BAIAP2L1: variants seen among roughly 807,000 people sequenced by gnomAD.
The protein encoded by BAIAP2L1 is BAR/IMD domain containing adaptor protein 2 like 1.
In BAIAP2L1, 35 loss-of-function variants were observed where a neutral mutation model predicts 66.3. The ratio of observed to expected loss-of-function variants is 0.53; its 90% CI spans 0.40 to 0.70. The LOEUF (loss-of-function observed/expected upper bound fraction) is 0.70, where lower values mean the gene tolerates loss of function less well. Among genes scored for constraint, BAIAP2L1 ranks in the 30% least tolerant of loss-of-function variants. BAIAP2L1 has a pLI of 0.00. For synonymous variants in BAIAP2L1, 269 were observed against 248.7 expected (o/e 1.08, Z -0.77); for missense variants, 622 against 656.9 (o/e 0.95, Z 0.58).
intron 1 of BAIAP2L1, among the ~76,000 whole-genome samples, chr7:98,383,170 C>T (rs1802798326): frequency 7.0e-6 from 1 of 142,836 alleles, no homozygotes; most frequent in African/African-American, 2.6e-5. Flanking sequence ...CTCAAAGTAT[C>T]AAAAAAGAAA....
rs35637370 is a variant in BAIAP2L1 at position 98,304,276 on chromosome 7, C to T, written c.1342G>A (p.Ala448Thr). 13,548 of 1,613,544 alleles carry T rather than the reference C, an allele frequency of 8.4e-3. 83 individuals are homozygous for T. Among genetic ancestry groups the T allele is most frequent in the Middle Eastern group, 0.016 (98 of 6,062 alleles). ...GCCGAATCTGCTCTCCTGTCGGCAGCTGCCCCCATGGACAAGCATTCCAAG... is the reference window on the plus strand; with the variant it reads ...GCCGAATCTGCTCTCCTGTCGGCAGTTGCCCCCATGGACAAGCATTCCAAG... ...DYLECLSMGA[A>T]ADRRADSART... Residue 448 changes from alanine to threonine, a missense_variant, in exon 12 of 14, where the codon GCT (alanine) becomes ACT (threonine). Ala to Thr is a moderately conservative substitution (Grantham distance 58). Coordinates refer to ENST00000005260, the MANE Select transcript of BAIAP2L1 (RefSeq NM_018842.5).
At chr7:98,312,378 G>A in intron 7 of BAIAP2L1, 114 bp from the exon 8 acceptor site, 3 of 1,176,996 alleles carry the variant, frequency 2.5e-6, no homozygotes, top group Non-Finnish European at 2.4e-6. Flanking sequence ...CCAGGAGTGT[G>A]GGGGCCCTGG....
chr7:98,331,694 C>T (rs748360511), intron 3 of BAIAP2L1, among the ~76,000 whole-genome samples: 29 of 152,012 alleles, frequency 1.9e-4, no homozygotes, highest in Non-Finnish European at 3.7e-4. Flanking sequence ...GTTTCGAAAT[C>T]CTGACCTCAG....
intron 1 of BAIAP2L1, among the ~76,000 whole-genome samples, chr7:98,368,879 AC>A (rs1167329327): frequency 6.6e-6 from 1 of 151,252 alleles, no homozygotes; most frequent in Non-Finnish European, 1.5e-5. Flanking sequence ...CTTGTTGAAG[AC>A]CTGGCTTGTT....
At chr7:98,339,332 T>C (rs1435425229) in intron 3 of BAIAP2L1, among the ~76,000 whole-genome samples, 3 of 152,204 alleles carry the variant, frequency 2.0e-5, no homozygotes, top group African/African-American at 7.2e-5. Context: ...TGTAGCTATC[T>C]TGTGGTTTGG....
At position 98,355,083 on chromosome 7, in the gene BAIAP2L1, A is replaced by T; in HGVS notation, c.173T>A (p.Ile58Asn). Residue 58 changes from isoleucine (I) to asparagine (N), a missense_variant, in exon 3 of 14, where the codon ATC becomes AAC. By Grantham distance (149) the Ile-to-Asn change is moderately radical. Transcript: ENST00000005260. ...GGGGGACCCAGTGGCAATCTCACCG[A>T]TCTTGGCCACTCCATCGTAGTAGGC... The part of the protein sequence containing the change: ...GKAYYDGVAK[I>N]GEIATGSPVS... The T allele has an allele frequency of 6.2e-7, 1 of 1,614,050 alleles. No homozygotes were observed. Among genetic ancestry groups the T allele is most frequent in the Non-Finnish European group, 8.5e-7 (1 of 1,179,952 alleles).
At chr7:98,306,313 T>G in intron 11 of BAIAP2L1, 126 bp downstream of exon 11, 1 of 1,161,528 alleles carries the variant, frequency 8.6e-7, no homozygotes, top group Non-Finnish European at 1.3e-6. Context: ...CGGTCTCATC[T>G]CTGACTAGTC....
At chr7:98,334,799 G>C (rs915024554) in intron 3 of BAIAP2L1, among the ~76,000 whole-genome samples, 34 of 151,046 alleles carry the variant, frequency 2.3e-4, no homozygotes, top group Non-Finnish European at 4.1e-4. Flanking sequence ...GCCCGCCTCG[G>C]CCTCCCAAAG....
At chr7:98,300,677 T>C (rs1197919055) in intron 12 of BAIAP2L1, among the ~76,000 whole-genome samples, 1 of 151,988 alleles carries the variant, frequency 6.6e-6, no homozygotes, top group Non-Finnish European at 1.5e-5. Flanking sequence ...GCACAGGCAC[T>C]GCTCAGGAAG....
intron 12 of BAIAP2L1, among the ~76,000 whole-genome samples, chr7:98,295,386 C>T (rs1016550263): frequency 1.3e-5 from 2 of 152,216 alleles, no homozygotes; most frequent in Non-Finnish European, 2.9e-5. Context: ...CTGCCTTGCA[C>T]ATCCTACAGG....
chr7:98,386,945 C>T (rs1042468330), intron 1 of BAIAP2L1, among the ~76,000 whole-genome samples: 5 of 151,934 alleles, frequency 3.3e-5, no homozygotes, highest in Non-Finnish European at 5.9e-5. Flanking sequence ...GTGATCTGCC[C>T]GCCTCGGCCT....
intron 7 of BAIAP2L1, among the ~76,000 whole-genome samples, chr7:98,315,177 A>G (rs1176392064): frequency 6.6e-6 from 1 of 152,212 alleles, no homozygotes; most frequent in Non-Finnish European, 1.5e-5. Context: ...GTTGGAGTGC[A>G]GTGGCACAAT....
At chr7:98,306,415 G>C (rs761545153) in intron 11 of BAIAP2L1, 24 bp downstream of exon 11, 18 of 1,613,438 alleles carry the variant, frequency 1.1e-5, no homozygotes, top group Non-Finnish European at 1.5e-5. Flanking sequence ...GTCACCGGGA[G>C]AGCTCAGCCA....
In BAIAP2L1 at chr7:98,317,386, C is replaced by T. The variant is rs1348198648; in HGVS notation, c.349-30G>A. 3 of 1,610,018 alleles carry T rather than the reference C, an allele frequency of 1.9e-6. No individual in the cohort carries two copies. In the South Asian group the frequency reaches 3.3e-5, roughly 18 times the overall value. On this transcript the variant is annotated intron_variant, in intron 5 of 13. Coordinates refer to ENST00000005260, the MANE Select transcript of BAIAP2L1 (RefSeq NM_018842.5). ...AAGTTAAATGGCTGTGCTTATTTTA[C>T]TGTGGCACCACACGAATTGTCACAC... is the stretch of plus-strand genomic sequence containing the variant.
rs1236188409 is a variant in BAIAP2L1, at chr7:98,400,991, T to C, written c.-139A>G. ...GCCGCCGCAGCCGTCGGCCCGAGAG[T>C]GCCCGCGCGCGTCTCCGCTGCGAAA... On this transcript the variant is annotated 5_prime_UTR_variant, in exon 1 of 14. Coordinates refer to ENST00000005260, the MANE Select transcript of BAIAP2L1 (RefSeq NM_018842.5). 3.1e-6 allele frequency: 2 copies of C among 651,374 alleles called. No homozygotes were observed. The highest frequency in any genetic ancestry group is 4.4e-6 in the Non-Finnish European group (2 of 452,282). The allele number at this position is 651,374 out of a possible 1,614,324, so 40.3% of individuals were successfully genotyped here.
chr7:98,392,716 T>C (rs1803073995), intron 1 of BAIAP2L1, among the ~76,000 whole-genome samples: 2 of 152,150 alleles, frequency 1.3e-5, no homozygotes, highest in African/African-American at 2.4e-5. Context: ...CATGGGGATA[T>C]GTACGGAAAA....
At chr7:98,369,099 C>T (rs980155700) in intron 1 of BAIAP2L1, among the ~76,000 whole-genome samples, 6 of 149,788 alleles carry the variant, frequency 4.0e-5, no homozygotes, top group Admixed American at 2.0e-4. Flanking sequence ...CATTAGCACT[C>T]GGAGATTTCA....
chr7:98,340,616 A>C (rs1562776507), intron 3 of BAIAP2L1, among the ~76,000 whole-genome samples: 1 of 152,150 alleles, frequency 6.6e-6, no homozygotes, highest in Admixed American at 6.5e-5. Context: ...ATTATAGTAC[A>C]TTGAGTATAT....
rs1016203263 is a variant in BAIAP2L1, at chr7:98,316,245, T to G, written c.487-633A>C. On this transcript the variant is annotated intron_variant, in intron 6 of 13. Coordinates refer to ENST00000005260, the MANE Select transcript of BAIAP2L1 (RefSeq NM_018842.5). Reference sequence around the variant, plus strand: ...CATGATTGTGAGGCCTCCCCGGCCATGTGGAACTGTGAGTCCATTAAATCT... The same window carrying G: ...CATGATTGTGAGGCCTCCCCGGCCAGGTGGAACTGTGAGTCCATTAAATCT... 4.6e-5 allele frequency among the ~76,000 whole-genome samples: 7 copies of G among 152,310 alleles called. No homozygotes were observed. In the South Asian group the frequency reaches 1.0e-3, roughly 23 times the overall value.
Sources: allele counts gnomAD v4.1 joint callset (sites outside exome capture counted in the v4.1 genomes callset), GRCh38; gene constraint gnomAD v4.1.1; transcripts MANE v1.5; gene names NCBI Gene and HGNC (gene_info 2026-07-23, HGNC 2026-07-21).